Variants in DYM observed in about 807,000 individuals in gnomAD.
DYM encodes the protein dyggve-Melchior-Clausen syndrome protein.
DYM carries 78 observed loss-of-function variants against 93.1 expected under a neutral mutation model. The ratio of observed to expected loss-of-function variants is 0.84; its 90% CI spans 0.70 to 1.01. The LOEUF (loss-of-function observed/expected upper bound fraction) is 1.01, where lower values mean the gene tolerates loss of function less well. DYM is among the 50% of genes least tolerant of loss of function. DYM has a pLI of 0.00. For missense variants in DYM, 789 were observed against 845.0 expected, an observed-to-expected ratio of 0.93 and a Z score of 0.82; for synonymous variants, 321 against 319.7, an observed-to-expected ratio of 1.00 and a Z score of -0.04.
chr18:49,109,750 C>T (rs2081214644), intron 16 of DYM, among the ~76,000 whole-genome samples: 2 of 152,152 alleles, frequency 1.3e-5, no homozygotes, highest in South Asian at 2.1e-4. Context: ...TTAGGGAACC[C>T]GAATCTCTTA....
At chr18:49,344,234 A>T (rs2147059860) in intron 6 of DYM, among the ~76,000 whole-genome samples, 1 of 152,290 alleles carries the variant, frequency 6.6e-6, no homozygotes, top group South Asian at 2.1e-4. Context: ...ATTTTAAAGA[A>T]ACATGTGGGC....
chr18:49,328,610 C>G (rs906495187), intron 8 of DYM, among the ~76,000 whole-genome samples: 3 of 152,136 alleles, frequency 2.0e-5, no homozygotes, highest in Non-Finnish European at 4.4e-5. Context: ...ACAACCCCAT[C>G]AAAAAGTGGG....
At chr18:49,312,421 G>C (rs1407224669) in intron 8 of DYM, among the ~76,000 whole-genome samples, 1 of 151,952 alleles carries the variant, frequency 6.6e-6, no homozygotes, top group Non-Finnish European at 1.5e-5. Flanking sequence ...GTCCACCTTT[G>C]AGTGGTGTCT....
chr18:49,415,538 TG>T (rs1446586682), intron 2 of DYM, among the ~76,000 whole-genome samples: 4 of 152,100 alleles, frequency 2.6e-5, no homozygotes, highest in Admixed American at 2.6e-4. Context: ...TGCCAAGAGC[TG>T]CCCTTTTTGC....
Position 49,286,500 on chromosome 18 carries a change from G to C in DYM, c.880C>G (p.Leu294Val), listed in dbSNP as rs367844473. 1.2e-6 allele frequency: 2 copies of C among 1,614,168 alleles called. No homozygotes were observed. The highest frequency in any genetic ancestry group is 8.5e-7 in the Non-Finnish European group (1 of 1,179,996). The stretch of plus-strand genomic sequence containing the variant: ...TTTGGCGCATCTGAGGCATCTGTCA[G>C]ATTGGCCAACACCAGCAGAAGCAGG... ...SLLLLLVLAN[L>V]TDASDAPNPY... The change falls in exon 9 of 18, where the codon CTG becomes GTG. Residue 294 changes from leucine (L) to valine (V), a missense_variant. Physicochemically the swap from Leu to Val is conservative, Grantham distance 32. This residue lies in a region of DYM where 450 missense variants were observed against 436.2 expected (regional missense o/e 1.03). Coordinates refer to ENST00000675505, the MANE Select transcript of DYM (RefSeq NM_001353214.3).
chr18:49,449,735 T>C (rs192307645), intron 1 of DYM, among the ~76,000 whole-genome samples: 100 of 152,330 alleles, frequency 6.6e-4, no homozygotes, highest in Non-Finnish European at 1.2e-3. Flanking sequence ...AAAAAGAATT[T>C]GTGAGGTTGG....
At chr18:49,302,777 C>A (rs1002491296) in intron 8 of DYM, among the ~76,000 whole-genome samples, 2 of 152,186 alleles carry the variant, frequency 1.3e-5, no homozygotes, top group Admixed American at 6.5e-5. Context: ...CCCTTACTCA[C>A]ATAACAGAAT....
chr18:49,429,642 C>A (rs2074618474), intron 2 of DYM, among the ~76,000 whole-genome samples: 1 of 152,136 alleles, frequency 6.6e-6, no homozygotes, highest in South Asian at 2.1e-4. Context: ...CCATGGTGCA[C>A]AATTTGGCAT....
chr18:49,104,745 T>A (rs965770783), intron 16 of DYM, among the ~76,000 whole-genome samples: 11 of 152,360 alleles, frequency 7.2e-5, no homozygotes, highest in African/African-American at 2.6e-4. Flanking sequence ...CAGCCTTGCA[T>A]CCTAGGGATG....
At chr18:49,079,732 G>A (rs1269182982) in intron 17 of DYM, among the ~76,000 whole-genome samples, 2 of 151,696 alleles carry the variant, frequency 1.3e-5, no homozygotes, top group Non-Finnish European at 2.9e-5. Context: ...TAAGGTCACC[G>A]ATCAACAGGA....
intron 8 of DYM, among the ~76,000 whole-genome samples, chr18:49,290,216 A>G (rs1444010883): frequency 6.6e-6 from 1 of 152,136 alleles, no homozygotes; most frequent in Non-Finnish European, 1.5e-5. Context: ...AACTATGGTT[A>G]AACTATACCA....
At chr18:49,160,750 G>C (rs1394082252) in intron 15 of DYM, among the ~76,000 whole-genome samples, 4 of 152,130 alleles carry the variant, frequency 2.6e-5, no homozygotes, top group African/African-American at 9.7e-5. Flanking sequence ...GAAAAGGAAG[G>C]AACATGTTCA....
At chr18:49,235,671 G>T (rs546016658) in intron 13 of DYM, among the ~76,000 whole-genome samples, 1 of 151,118 alleles carries the variant, frequency 6.6e-6, no homozygotes, top group African/African-American at 2.4e-5. Flanking sequence ...AATTACTTAC[G>T]AGATAGAATA....
At chr18:49,298,327 C>T (rs2060687279) in intron 8 of DYM, among the ~76,000 whole-genome samples, 1 of 152,116 alleles carries the variant, frequency 6.6e-6, no homozygotes, top group African/African-American at 2.4e-5. Context: ...TACTTGTAAT[C>T]CCAGTACCTT....
intron 15 of DYM, among the ~76,000 whole-genome samples, chr18:49,136,551 A>G (rs2083871611): frequency 6.6e-6 from 1 of 152,166 alleles, no homozygotes; most frequent in South Asian, 2.1e-4. Context: ...ATGAGTTGGG[A>G]GCTGCCTGTC....
chr18:49,217,038 T>C (rs939810421), intron 13 of DYM, among the ~76,000 whole-genome samples: 8 of 152,016 alleles, frequency 5.3e-5, no homozygotes, highest in African/African-American at 1.9e-4. Context: ...ACTAGAATAA[T>C]CAATAGAGAG....
chr18:49,115,766 G>A (rs1216053511), intron 16 of DYM, among the ~76,000 whole-genome samples: 2 of 152,212 alleles, frequency 1.3e-5, no homozygotes, highest in Non-Finnish European at 1.5e-5. Flanking sequence ...ATATTACAGT[G>A]CCCATTCTTG....
In DYM at chr18:49,348,357, C is replaced by A. The variant is rs2064791891; in HGVS notation, c.495-14504G>T. 3.9e-5 allele frequency among the ~76,000 whole-genome samples: 6 copies of A among 152,020 alleles called. No homozygotes were observed. The South Asian group carries it at 1.2e-3, about 32-fold the overall frequency. ...TAATATGCTATAGTACAGATATTAT[C>A]AACAAAAGTATGTTAGTATAATGGC... On this transcript the variant is annotated intron_variant, in intron 6 of 17. Transcript: ENST00000675505.
chr18:49,396,494 C>G (rs188121197), intron 2 of DYM, among the ~76,000 whole-genome samples: 1 of 152,286 alleles, frequency 6.6e-6, no homozygotes, highest in African/African-American at 2.4e-5. Context: ...GCATTATCCT[C>G]TAAGCATCAC....
Sources: gnomAD v4.1 joint callset for allele counts (sites outside exome capture counted in the v4.1 genomes callset) on GRCh38, gnomAD v4.1.1 for gene constraint, gnomAD v4.1.1 regional missense constraint, MANE v1.5 for transcripts, NCBI Gene and HGNC (gene_info 2026-07-23, HGNC 2026-07-21) for gene names.